The following SPECC1 variants were observed in gnomAD, a reference collection of about 807,000 sequenced individuals.
SPECC1 encodes cytospin-B.
A neutral mutation model predicts 104.1 loss-of-function variants in SPECC1; 62 were observed. That is an observed-to-expected ratio of 0.60 (90% CI 0.49 to 0.74). SPECC1 has a LOEUF of 0.74. Among genes scored for constraint, SPECC1 ranks in the 30% least tolerant of loss-of-function variants. SPECC1 has a pLI of 0.00. For missense variants in SPECC1, 1,306 were observed against 1,310.5 expected (o/e 1.00, Z 0.05); for synonymous variants, 513 against 501.6 (o/e 1.02, Z -0.30).
intron 3 of SPECC1, among the ~76,000 whole-genome samples, chr17:20,186,078 TC>T (rs1324112228): frequency 4.6e-5 from 7 of 152,206 alleles, no homozygotes; most frequent in Non-Finnish European, 1.0e-4. Flanking sequence ...CCTCAGGTGA[TC>T]CACCCTCCTC....
intron 4 of SPECC1, among the ~76,000 whole-genome samples, chr17:20,224,364 T>G (rs1380017671): frequency 6.6e-6 from 1 of 152,178 alleles, no homozygotes; most frequent in African/African-American, 2.4e-5. Context: ...TGATGTTTAT[T>G]CAAGGCCCAA....
At chr17:20,085,820 A>G (rs1390802226) in intron 1 of SPECC1, among the ~76,000 whole-genome samples, 2 of 152,144 alleles carry the variant, frequency 1.3e-5, no homozygotes, top group Non-Finnish European at 2.9e-5. Flanking sequence ...GTGCGAGTGG[A>G]TGGATATTCC....
At chr17:20,247,089 A>C in intron 8 of SPECC1, 130 bp from the exon 9 acceptor site, 1 of 624,610 alleles carries the variant, frequency 1.6e-6, no homozygotes, top group Non-Finnish European at 2.7e-6. Context: ...GAAAAGGATA[A>C]TAGAGTAAAT....
intron 4 of SPECC1, among the ~76,000 whole-genome samples, chr17:20,221,153 T>G (rs1164441300): frequency 6.6e-6 from 1 of 152,188 alleles, no homozygotes; most frequent in Non-Finnish European, 1.5e-5. Flanking sequence ...TTTGTCTGGT[T>G]TTGTTATCAG....
rs2032697539 is a variant in SPECC1, at chr17:20,157,451, CATAAA to C, written c.284-46879_284-46875del. Among the ~76,000 whole-genome samples, 3 of 152,286 alleles carry C rather than the reference CATAAA, an allele frequency of 2.0e-5. No homozygotes were observed. The South Asian group carries it at 6.2e-4, about 32-fold the overall frequency. ...CAGAATAACCAACAATAAGCATATT[CATAAA>C]ATGAAATATGCATAAAATAAAAATA... On this transcript the variant is annotated intron_variant, in intron 3 of 14. Coordinates refer to ENST00000395527, the MANE Select transcript of SPECC1 (RefSeq NM_001243439.2).
At position 20,149,278 on chromosome 17, in the gene SPECC1, T is replaced by G. The variant is rs186798511; in HGVS notation, c.283+38716T>G. 1.2e-4 allele frequency among the ~76,000 whole-genome samples: 19 copies of G among 152,298 alleles called. 1 individual carries two copies. Among genetic ancestry groups the G allele is most frequent in the Admixed American group, 1.1e-3 (17 of 15,300 alleles). Reference sequence around the variant, plus strand: ...TGCAGAAAAGGGTGAATGTAGCAGGTCTGGGACTGCTGTCCTTAGAAAGGC... The same window carrying G: ...TGCAGAAAAGGGTGAATGTAGCAGGGCTGGGACTGCTGTCCTTAGAAAGGC... On this transcript the variant is annotated intron_variant, in intron 3 of 14. Coordinates refer to ENST00000395527, the MANE Select transcript of SPECC1 (RefSeq NM_001243439.2).
intron 4 of SPECC1, among the ~76,000 whole-genome samples, chr17:20,223,850 C>T (rs1427701524): frequency 2.6e-5 from 4 of 152,142 alleles, no homozygotes; most frequent in South Asian, 2.1e-4. Context: ...TTATTTACTT[C>T]ATTTGATGAG....
chr17:20,042,821 G>A (rs2045387187), intron 1 of SPECC1, among the ~76,000 whole-genome samples: 2 of 152,282 alleles, frequency 1.3e-5, no homozygotes, highest in South Asian at 4.1e-4. Context: ...AGAAGACCCA[G>A]TGAACCCATC....
At chr17:20,211,522 T>C (rs1406827598) in intron 4 of SPECC1, among the ~76,000 whole-genome samples, 1 of 152,238 alleles carries the variant, frequency 6.6e-6, no homozygotes. Context: ...AGAGCCAGTT[T>C]AGCATTAGGA....
chr17:20,160,519 CATG>C (rs1015015884), intron 3 of SPECC1, among the ~76,000 whole-genome samples: 8 of 152,146 alleles, frequency 5.3e-5, no homozygotes, highest in African/African-American at 1.4e-4. Flanking sequence ...TCTTTGTAGA[CATG>C]ATGACCATTC....
At chr17:20,080,283 A>C (rs1338182370) in intron 1 of SPECC1, among the ~76,000 whole-genome samples, 1 of 152,164 alleles carries the variant, frequency 6.6e-6, no homozygotes, top group African/African-American at 2.4e-5. Context: ...TTAGATATTT[A>C]GCTGGCAGGG....
At chr17:20,073,616 G>C (rs2046646884) in intron 1 of SPECC1, 1 of 152,246 alleles carries the variant, frequency 6.6e-6, no homozygotes, top group Non-Finnish European at 1.5e-5. Context: ...TTTCCTCCCA[G>C]GCCAGCACCA....
chr17:20,186,447 A>G (rs2035283110), intron 3 of SPECC1, among the ~76,000 whole-genome samples: 1 of 152,226 alleles, frequency 6.6e-6, no homozygotes, highest in Non-Finnish European at 1.5e-5. Flanking sequence ...CAAGCCTTCA[A>G]TTTGTAAGAA....
At chr17:20,036,660 C>T (rs550152781) in intron 1 of SPECC1, among the ~76,000 whole-genome samples, 3 of 152,286 alleles carry the variant, frequency 2.0e-5, no homozygotes, top group African/African-American at 4.8e-5. Flanking sequence ...CTCCTCCTAA[C>T]TGAAATTTGG....
chr17:20,117,717 A>AAAG (rs1567855891), intron 3 of SPECC1, among the ~76,000 whole-genome samples: 2 of 146,118 alleles, frequency 1.4e-5, no homozygotes, highest in African/African-American at 2.5e-5. Context: ...AAAAAAAAAA[A>AAAG]AAAAGAAAAG....
intron 12 of SPECC1, among the ~76,000 whole-genome samples, chr17:20,266,420 A>G: frequency 6.6e-6 from 1 of 152,082 alleles, no homozygotes; most frequent in Non-Finnish European, 1.5e-5. Flanking sequence ...CGTCTCTACT[A>G]AAAAATACAA....
At chr17:20,071,505 T>C (rs2046553506) in intron 1 of SPECC1, among the ~76,000 whole-genome samples, 3 of 152,178 alleles carry the variant, frequency 2.0e-5, no homozygotes, top group Admixed American at 6.5e-5. Context: ...TAAATAATTT[T>C]CTTCATATTT....
At chr17:20,227,106 G>A (rs1317215199) in intron 4 of SPECC1, among the ~76,000 whole-genome samples, 1 of 152,146 alleles carries the variant, frequency 6.6e-6, no homozygotes, top group Non-Finnish European at 1.5e-5. Flanking sequence ...TTGTAGGAGG[G>A]GGCACAGAAT....
intron 5 of SPECC1, among the ~76,000 whole-genome samples, chr17:20,231,436 G>T (rs192070357): frequency 2.6e-5 from 4 of 152,136 alleles, no homozygotes; most frequent in Non-Finnish European, 5.9e-5. Context: ...GGCCGGACTC[G>T]GTATGCAAGT....
Sources: allele counts gnomAD v4.1 joint callset (sites outside exome capture counted in the v4.1 genomes callset), GRCh38; gene constraint gnomAD v4.1.1; transcripts MANE v1.5; gene names NCBI Gene and HGNC (gene_info 2026-07-23, HGNC 2026-07-21).